PINK1: variants seen among roughly 807,000 people sequenced by gnomAD.
PINK1 encodes serine/threonine-protein kinase PINK1, mitochondrial.
PINK1 carries 58 observed loss-of-function variants against 56.0 expected under a neutral mutation model. The observed-to-expected ratio is 1.04, with a 90% confidence interval of 0.84 to 1.29. The LOEUF (loss-of-function observed/expected upper bound fraction) is 1.29, where lower values mean the gene tolerates loss of function less well. Ranked by LOEUF, PINK1 falls within the 50% of genes most tolerant of loss-of-function variation. The pLI, the probability that PINK1 is intolerant of heterozygous loss-of-function variation, is 0.00. For missense variants in PINK1, 745 were observed against 777.9 expected (o/e 0.96, Z 0.50); for synonymous variants, 354 against 339.3 (o/e 1.04, Z -0.48).
At chr1:20,645,857 G>GATTGCTAACCTCTTGTGT in intron 5 of PINK1, 134 bp downstream of exon 5, 1 of 1,193,738 alleles carries the variant, frequency 8.4e-7, no homozygotes, top group Non-Finnish European at 1.2e-6. Context: ...GCACACAAGA[G>GATTGCTAACCTCTTGTGT]GTTAGCAATC....
chr1:20,648,707 C>A, intron 6 of PINK1, 75 bp downstream of exon 6: 1 of 1,588,528 alleles, frequency 6.3e-7, no homozygotes, highest in Non-Finnish European at 8.5e-7. Context: ...GACTCGATGC[C>A]TTGTGATAAC....
rs1343579406 is a variant in PINK1, at chr1:20,645,735, C to A, written c.1123+12C>A. On this transcript the variant is annotated intron_variant, in intron 5 of 7. Transcript: ENST00000321556. ...GGAGCTGGACCCAGGTAGGAACCTG[C>A]TGCACCATCAGAGCTCTCCAGGGGC... 1.2e-6 allele frequency: 2 copies of A among 1,614,114 alleles called. No individual in the cohort carries two copies.
rs1369560566 is a variant in PINK1 at position 20,649,049 on chromosome 1, GC to G, written c.1308del (p.Trp437GlyfsTer46). ...AGTGATTGACTACAGCAAGGCTGAT[GC>G]CTGGGCAGTGGGAGCCATCGCCTAT... ...RAVIDYSKAD[A>X]WAVGAIAYEI... On this transcript the variant is annotated frameshift_variant, in exon 7 of 8. Coordinates refer to ENST00000321556, the MANE Select transcript of PINK1 (RefSeq NM_032409.3). LOFTEE classifies it high-confidence loss of function. The G allele has an allele frequency of 6.2e-7, 1 of 1,614,130 alleles. No homozygotes were observed. Among genetic ancestry groups the G allele is most frequent in the Non-Finnish European group, 8.5e-7 (1 of 1,180,052 alleles).
Position 20,651,120 on chromosome 1 carries a change from G to A in PINK1, c.*429G>A, listed in dbSNP as rs147759776. On this transcript the variant is annotated 3_prime_UTR_variant, in exon 8 of 8. Transcript: ENST00000321556. ...GTCAGCACGTTCAGTTACGGGAGTGGGAAATTACATGAGGCCTGGGCCTCT... is the reference window on the plus strand; with the variant it reads ...GTCAGCACGTTCAGTTACGGGAGTGAGAAATTACATGAGGCCTGGGCCTCT... 1 of 257,716 alleles carries A rather than the reference G, an allele frequency of 3.9e-6. No individual in the cohort carries two copies. Among genetic ancestry groups the A allele is most frequent in the Non-Finnish European group, 7.7e-6 (1 of 130,186 alleles). The allele number at this position is 257,716 out of a possible 1,614,324, so 16.0% of individuals were successfully genotyped here. A position where few individuals can be genotyped will look rare whatever the true frequency, so the allele number is the denominator to read the frequency against.
intron 1 of PINK1, among the ~76,000 whole-genome samples, chr1:20,634,925 A>T (rs1224801891): frequency 6.6e-6 from 1 of 152,184 alleles, no homozygotes; most frequent in Non-Finnish European, 1.5e-5. Flanking sequence ...TTTCCATCCC[A>T]GTTCTTATTG....
chr1:20,648,334 G>A (rs909555257), intron 5 of PINK1, 171 bp from the exon 6 acceptor site: 45 of 895,214 alleles, frequency 5.0e-5, no homozygotes, highest in Middle Eastern at 3.0e-4. Flanking sequence ...TTCCGTGTTC[G>A]CACAGCAGGC....
At chr1:20,634,014 G>A in intron 1 of PINK1, 79 bp downstream of exon 1, 1 of 1,496,690 alleles carries the variant, frequency 6.7e-7, no homozygotes. Flanking sequence ...TGGGGGCGGG[G>A]CTAGGTGTGG....
At position 20,650,954 on chromosome 1, in the gene PINK1, C is replaced by T; in HGVS notation, c.*263C>T. 1.9e-6 allele frequency: 1 copy of T among 535,836 alleles called. No homozygotes were observed. The allele number at this position is 535,836 out of a possible 1,614,324, so 33.2% of individuals were successfully genotyped here. ...CTGAGGAGGGGTAGGCCTGCATCCA[C>T]AGAGAGGATCCAGGCCAAGGCACTG... On this transcript the variant is annotated 3_prime_UTR_variant, in exon 8 of 8. Transcript: ENST00000321556.
In PINK1 at chr1:20,637,823, C is replaced by A. The variant is rs760240989; in HGVS notation, c.388-19C>A. 6.2e-7 allele frequency: 1 copy of A among 1,613,510 alleles called. No homozygotes were observed. Among genetic ancestry groups the A allele is most frequent in the South Asian group, 1.1e-5 (1 of 91,042 alleles). On this transcript the variant is annotated intron_variant, in intron 1 of 7. Transcript: ENST00000321556. ...TTCCTAGGCTCCCTGGCTCACGGTG[C>A]ATTCTTTTCTCATCACAGGCAATTT...
intron 1 of PINK1, among the ~76,000 whole-genome samples, chr1:20,634,251 A>AGGG (rs2053031175): frequency 6.6e-6 from 1 of 152,158 alleles, no homozygotes; most frequent in Non-Finnish European, 1.5e-5. Context: ...TAACATTCCT[A>AGGG]TCCCTTTGAG....
intron 1 of PINK1, 107 bp downstream of exon 1, chr1:20,634,042 G>C: frequency 7.3e-7 from 1 of 1,365,028 alleles, no homozygotes; most frequent in South Asian, 1.3e-5. Context: ...GCTCTGAGCA[G>C]ATCGAGGGCC....
intron 1 of PINK1, among the ~76,000 whole-genome samples, chr1:20,634,780 C>T (rs2053039974): frequency 6.6e-6 from 1 of 152,284 alleles, no homozygotes; most frequent in East Asian, 1.9e-4. Context: ...ACTCTTCTTC[C>T]TGGGGGTGTA....
At position 20,648,994 on chromosome 1, in the gene PINK1, G is replaced by A. The variant is rs2053228483; in HGVS notation, c.1252-1G>A. On this transcript the variant is annotated splice_acceptor_variant, in intron 6 of 7. Coordinates refer to ENST00000321556, the MANE Select transcript of PINK1 (RefSeq NM_032409.3). LOFTEE classifies it high-confidence loss of function. Reference sequence around the variant, plus strand: ...ATGTCTCACCCACTGCTTCTGAGCAGGTGTCCACGGCCCGTCCTGGCCCCA... The same window carrying A: ...ATGTCTCACCCACTGCTTCTGAGCAAGTGTCCACGGCCCGTCCTGGCCCCA... 6.2e-7 allele frequency: 1 copy of A among 1,612,924 alleles called. No homozygotes were observed.
intron 5 of PINK1, among the ~76,000 whole-genome samples, chr1:20,647,365 C>CA (rs2053196482): frequency 6.6e-6 from 1 of 151,502 alleles, no homozygotes; most frequent in Non-Finnish European, 1.5e-5. Flanking sequence ...TCACTGTTGG[C>CA]CAGGCTGGTC....
At position 20,649,128 on chromosome 1, in the gene PINK1, A is replaced by G. The variant is rs1173206266; in HGVS notation, c.1385A>G (p.Glu462Gly). The G allele has an allele frequency of 6.2e-7, 1 of 1,614,248 alleles. No homozygotes were observed. Among genetic ancestry groups the G allele is most frequent in the Non-Finnish European group, 8.5e-7 (1 of 1,180,042 alleles). The change falls in exon 7 of 8, where the codon GAA (glutamate) becomes GGA (glycine). Residue 462 changes from glutamate (E) to glycine (G), a missense_variant. By Grantham distance (98) the Glu-to-Gly change is moderately conservative. Transcript: ENST00000321556. ...PFYGQGKAHL[E>G]SRSYQEAQLP... is the part of the protein sequence containing the mutation. ...TACGGCCAGGGCAAGGCCCACCTTG[A>G]AAGCCGCAGCTACCAAGAGGCTCAG... is the stretch of plus-strand genomic sequence containing the variant.
Position 20,633,876 on chromosome 1 carries a change from C to G in PINK1, c.328C>G (p.Leu110Val). 17 of 1,581,294 alleles carry G rather than the reference C, an allele frequency of 1.1e-5. No homozygotes were observed. Among genetic ancestry groups the G allele is most frequent in the Non-Finnish European group, 1.5e-5 (17 of 1,165,752 alleles). The part of the protein sequence containing the change: ...VFLAFGLGLG[L>V]IEEKQAESRR... ...TCTGGCCTTCGGGCTAGGGCTGGGCCTCATCGAGGAAAAACAGGCGGAGAG... is the reference window on the plus strand; with the variant it reads ...TCTGGCCTTCGGGCTAGGGCTGGGCGTCATCGAGGAAAAACAGGCGGAGAG... Residue 110 changes from leucine to valine, a missense_variant, in exon 1 of 8, where the codon CTC becomes GTC. Coordinates refer to ENST00000321556, the MANE Select transcript of PINK1 (RefSeq NM_032409.3).
At chr1:20,639,284 C>T (rs1570400782) in intron 2 of PINK1, 1 of 168,940 alleles carries the variant, frequency 5.9e-6, no homozygotes, top group East Asian at 1.5e-4. Flanking sequence ...CAAAACATGC[C>T]CTGGTTGGGG....
chr1:20,633,837 G>T lies in PINK1; in HGVS notation c.289G>T (p.Gly97Cys). 6.3e-7 allele frequency: 1 copy of T among 1,578,040 alleles called. No homozygotes were observed. Among genetic ancestry groups the T allele is most frequent in the East Asian group, 2.3e-5 (1 of 43,324 alleles). The change falls in exon 1 of 8, where the codon GGC (glycine) becomes TGC (cysteine). Residue 97 changes from glycine (G) to cysteine (C), a missense_variant. Transcript: ENST00000321556. ...GGCCTGGGGCTGCGCGGGCCCTTGC[G>T]GCCGGGCAGTCTTTCTGGCCTTCGG... ...VRAWGCAGPC[G>C]RAVFLAFGLG...
At position 20,638,021 on chromosome 1, in the gene PINK1, G is replaced by A. The variant is rs779256340; in HGVS notation, c.567G>A (p.Gly189=). 2.0e-5 allele frequency: 32 copies of A among 1,614,192 alleles called. No individual in the cohort carries two copies. The highest frequency in any genetic ancestry group is 2.7e-5 in the Non-Finnish European group (32 of 1,180,046). The change falls in exon 2 of 8, where the codon GGG becomes GGA. Residue 189 remains glycine, a synonymous_variant. Transcript: ENST00000321556. ...ACCTGGAGGTGACAAAGAGCACCGG[G>A]TTGCTTCCAGGGAGAGGCCCAGGTA... is the stretch of plus-strand genomic sequence containing the variant. ...PQNLEVTKST[G]LLPGRGPGTS...
Sources: allele counts gnomAD v4.1 joint callset (sites outside exome capture counted in the v4.1 genomes callset), GRCh38; gene constraint gnomAD v4.1.1; transcripts MANE v1.5; gene names NCBI Gene and HGNC (gene_info 2026-07-23, HGNC 2026-07-21).